WDR7: variants seen among roughly 807,000 people sequenced by gnomAD.
The protein encoded by WDR7 is WD repeat-containing protein 7.
In WDR7, 46 loss-of-function variants were observed where a neutral mutation model predicts 169.4. The ratio of observed to expected loss-of-function variants is 0.27; its 90% CI spans 0.21 to 0.35. The LOEUF (loss-of-function observed/expected upper bound fraction) is 0.35. WDR7 is among the 10% of genes least tolerant of loss of function. WDR7 has a pLI of 1.00. For synonymous variants in WDR7, 612 were observed against 666.8 expected, an observed-to-expected ratio of 0.92 and a Z score of 1.27; for missense variants, 1,534 against 1,859.3, an observed-to-expected ratio of 0.83 and a Z score of 3.22.
At chr18:56,854,455 C>CAGGA (rs2045688158) in intron 20 of WDR7, among the ~76,000 whole-genome samples, 5 of 152,210 alleles carry the variant, frequency 3.3e-5, no homozygotes, top group Admixed American at 3.3e-4. Flanking sequence ...TAACACCCTC[C>CAGGA]AGGAACCTCT....
intron 14 of WDR7, among the ~76,000 whole-genome samples, chr18:56,737,763 G>A (rs1158394573): frequency 6.6e-6 from 1 of 152,078 alleles, no homozygotes; most frequent in East Asian, 1.9e-4. Flanking sequence ...CTGTGAAAAG[G>A]GCACTGTAAG....
chr18:56,689,065 C>G (rs904356840), intron 7 of WDR7, among the ~76,000 whole-genome samples: 4 of 152,064 alleles, frequency 2.6e-5, no homozygotes, highest in Non-Finnish European at 4.4e-5. Flanking sequence ...AAGATGAAAG[C>G]CAGATGGCCA....
intron 20 of WDR7, among the ~76,000 whole-genome samples, chr18:56,846,691 T>TA (rs1568228502): frequency 6.6e-6 from 1 of 152,170 alleles, no homozygotes; most frequent in Non-Finnish European, 1.5e-5. Flanking sequence ...CTGGCTGTTT[T>TA]AAAAAAGTCT....
intron 21 of WDR7, among the ~76,000 whole-genome samples, chr18:56,905,109 A>AT (rs1161759618): frequency 6.6e-6 from 1 of 152,078 alleles, no homozygotes; most frequent in Non-Finnish European, 1.5e-5. Context: ...TGTAGACTGT[A>AT]TTATTTCCCT....
intron 12 of WDR7, among the ~76,000 whole-genome samples, chr18:56,700,870 G>A (rs57230898): frequency 0.03 from 4,598 of 152,156 alleles, 219 homozygotes; most frequent in African/African-American, 0.1. Flanking sequence ...TCTTAAAAAA[G>A]CAAAAGTTCA....
At chr18:56,909,701 T>A (rs970706768) in intron 21 of WDR7, among the ~76,000 whole-genome samples, 2 of 152,132 alleles carry the variant, frequency 1.3e-5, no homozygotes, top group Non-Finnish European at 2.9e-5. Context: ...TATTAATATT[T>A]CTTATTTTGG....
chr18:56,881,269 C>T (rs1035680113), intron 21 of WDR7, among the ~76,000 whole-genome samples: 1 of 152,162 alleles, frequency 6.6e-6, no homozygotes, highest in Non-Finnish European at 1.5e-5. Context: ...AGAGTAATAA[C>T]GTTTAAATTT....
intron 26 of WDR7, among the ~76,000 whole-genome samples, chr18:56,969,555 T>C (rs910786993): frequency 6.6e-5 from 10 of 152,240 alleles, no homozygotes; most frequent in African/African-American, 2.2e-4. Flanking sequence ...CTTTATATTA[T>C]ATTGAAATGT....
chr18:56,990,764 A>G (rs1471681332), intron 26 of WDR7, among the ~76,000 whole-genome samples: 2 of 152,070 alleles, frequency 1.3e-5, no homozygotes, highest in African/African-American at 2.4e-5. Flanking sequence ...CCTCCTACCT[A>G]TTGCTCCAGC....
chr18:56,769,474 C>T (rs1052278177), intron 16 of WDR7, among the ~76,000 whole-genome samples: 2 of 152,308 alleles, frequency 1.3e-5, no homozygotes, highest in African/African-American at 2.4e-5. Flanking sequence ...GCTGCGATTA[C>T]AGGAGTAAGC....
At chr18:56,895,897 A>G (rs898635477) in intron 21 of WDR7, among the ~76,000 whole-genome samples, 1 of 151,850 alleles carries the variant, frequency 6.6e-6, no homozygotes, top group African/African-American at 2.4e-5. Context: ...CATCATTCTT[A>G]TAATAACTAG....
At chr18:56,926,101 A>G (rs2046803078) in intron 22 of WDR7, among the ~76,000 whole-genome samples, 1 of 152,204 alleles carries the variant, frequency 6.6e-6, no homozygotes, top group Non-Finnish European at 1.5e-5. Context: ...TGACTCTAGA[A>G]TGAGCAGTTT....
At chr18:56,809,088 C>A (rs1293395124) in intron 19 of WDR7, among the ~76,000 whole-genome samples, 2 of 152,038 alleles carry the variant, frequency 1.3e-5, no homozygotes, top group Non-Finnish European at 2.9e-5. Context: ...CCTCTGCCCC[C>A]ATTTTCCTCC....
chr18:56,795,002 T>G (rs978658156), intron 19 of WDR7, among the ~76,000 whole-genome samples: 10 of 152,228 alleles, frequency 6.6e-5, no homozygotes, highest in Non-Finnish European at 8.8e-5. Context: ...GCTAGAATAC[T>G]TCTCTAAGGA....
In WDR7 at chr18:56,714,571, A is replaced by G. The variant is rs201915306; in HGVS notation, c.1579-3393A>G. Among the ~76,000 whole-genome samples the G allele has an allele frequency of 2.0e-5, 3 of 149,822 alleles. No individual in the cohort carries two copies. In the East Asian group the frequency reaches 5.9e-4, roughly 30 times the overall value. ...GCGATTCTCCTCCCTCAGCCTCCCC[A>G]TCGGCTACTGTTTTGTATTTTTAGT... On this transcript the variant is annotated intron_variant, in intron 12 of 27. Coordinates refer to ENST00000254442, the MANE Select transcript of WDR7 (RefSeq NM_015285.3).
intron 25 of WDR7, among the ~76,000 whole-genome samples, chr18:56,941,141 G>A (rs73958714): frequency 0.12 from 18,274 of 152,086 alleles, 3,510 homozygotes; most frequent in African/African-American, 0.41. Context: ...ATATCCTCAC[G>A]GGGCACAGGA....
intron 20 of WDR7, among the ~76,000 whole-genome samples, chr18:56,840,903 A>G (rs1315977149): frequency 6.6e-6 from 1 of 152,128 alleles, no homozygotes; most frequent in African/African-American, 2.4e-5. Flanking sequence ...TATAAAATGG[A>G]AAAGGGCTGG....
At chr18:56,995,056 T>C (rs2047878318) in intron 26 of WDR7, among the ~76,000 whole-genome samples, 1 of 152,144 alleles carries the variant, frequency 6.6e-6, no homozygotes, top group Non-Finnish European at 1.5e-5. Flanking sequence ...AGCTAGAATA[T>C]GAGAGAAAAA....
At position 56,679,180 on chromosome 18, in the gene WDR7, G is replaced by A. The variant is rs536880836; in HGVS notation, c.160-152G>A. ...TTCAGGGCTAGAAGTTCTCCCAGGC[G>A]GCTCCAGCAGTGCTTTGCAAGAGCC... On this transcript the variant is annotated intron_variant, in intron 2 of 27. Transcript: ENST00000254442. 4 of 540,010 alleles carry A rather than the reference G, an allele frequency of 7.4e-6. No individual in the cohort carries two copies. In the South Asian group the frequency reaches 1.0e-4, roughly 13 times the overall value. The allele number at this position is 540,010 out of a possible 1,614,324, so 33.5% of individuals were successfully genotyped here.
Sources: allele counts gnomAD v4.1 joint callset (sites outside exome capture counted in the v4.1 genomes callset), GRCh38; gene constraint gnomAD v4.1.1; transcripts MANE v1.5; gene names NCBI Gene and HGNC (gene_info 2026-07-23, HGNC 2026-07-21).